DPYSL2: variants seen among roughly 807,000 people sequenced by gnomAD.
DPYSL2 encodes the protein dihydropyrimidinase like 2.
In DPYSL2, 13 loss-of-function variants were observed where a neutral mutation model predicts 69.9. The observed-to-expected ratio is 0.19, with a 90% CI of 0.12 to 0.30. The LOEUF is 0.30. DPYSL2 is among the 10% of genes least tolerant of loss of function. The pLI is 1.00. For synonymous variants in DPYSL2, 326 were observed against 359.1 expected (o/e 0.91, Z 1.04); for missense variants, 587 against 918.9 (o/e 0.64, Z 4.67).
intron 1 of DPYSL2, chr8:26,578,184 C>A: frequency 3.1e-6 from 5 of 1,609,910 alleles, no homozygotes; most frequent in Admixed American, 1.7e-5. Context: ...ACAAAAAAAA[C>A]CCAAGTCCCC....
chr8:26,647,107 T>C lies in DPYSL2; in HGVS notation c.1426-523T>C, dbSNP rs1471405422. ...CCACCCCTGCAAATTAAACGAATTT[T>C]TTTTTGTTTTGAAATAATTATAGAT... On this transcript the variant is annotated intron_variant, in intron 10 of 13. Coordinates refer to ENST00000521913, the MANE Select transcript of DPYSL2 (RefSeq NM_001197293.3). This position sits in a 1 kb window ranked among gnomAD's most constrained non-coding sequence, Gnocchi z 5.1. Among the ~76,000 whole-genome samples the C allele has an allele frequency of 6.6e-6, 1 of 152,240 alleles. No individual in the cohort carries two copies. Among genetic ancestry groups the C allele is most frequent in the African/African-American group, 2.4e-5 (1 of 41,466 alleles).
intron 1 of DPYSL2, among the ~76,000 whole-genome samples, chr8:26,556,134 AC>A (rs1419667861): frequency 0.12 from 318 of 2,708 alleles, 31 homozygotes; most frequent in South Asian, 0.35. Flanking sequence ...TATTATATAT[AC>A]TATATATAGT....
rs976187633 is a variant in DPYSL2 at position 26,582,162 on chromosome 8, A to T, written c.443+105A>T. The T allele has an allele frequency of 3.5e-6, 3 of 867,316 alleles. No individual in the cohort carries two copies. Among genetic ancestry groups the T allele is most frequent in the South Asian group, 3.1e-5 (2 of 64,942 alleles). 53.7% of individuals were successfully genotyped at this position (867,316 alleles called of 1,614,324 possible). A position where few individuals can be genotyped will look rare whatever the true frequency, so the allele number is the denominator to read the frequency against. On this transcript the variant is annotated intron_variant, in intron 2 of 13. Transcript: ENST00000521913. This position sits in a 1 kb window ranked among gnomAD's most constrained non-coding sequence, Gnocchi z 4.1. ...GTATCAAACTTCAGGAACATCAGAGAGTGACCAACTTAGTATCTGTTTTAA... is the reference window on the plus strand; with the variant it reads ...GTATCAAACTTCAGGAACATCAGAGTGTGACCAACTTAGTATCTGTTTTAA...
chr8:26,632,248 G>A (rs554029683), intron 7 of DPYSL2, among the ~76,000 whole-genome samples: 1 of 152,252 alleles, frequency 6.6e-6, no homozygotes, highest in South Asian at 2.1e-4. Flanking sequence ...GTGACAATCC[G>A]GGCAGTGCCT....
chr8:26,571,260 C>T lies in DPYSL2; in HGVS notation c.355-10709C>T, dbSNP rs890972706. ...TAAAAACCTTCCTGGACCTTACCTC[C>T]GGATATTCTGTTCAGGATGTCTGAG... On this transcript the variant is annotated intron_variant, in intron 1 of 13. Transcript: ENST00000521913. The surrounding 1 kb of genome is among the most constrained non-coding windows in gnomAD (Gnocchi z 6.1). Among the ~76,000 whole-genome samples, 3 of 152,078 alleles carry T rather than the reference C, an allele frequency of 2.0e-5. No individual in the cohort carries two copies. Among genetic ancestry groups the T allele is most frequent in the African/African-American group, 7.2e-5 (3 of 41,396 alleles).
At chr8:26,634,687 CT>C in intron 7 of DPYSL2, 92 bp from the exon 8 acceptor site, 1 of 1,599,028 alleles carries the variant, frequency 6.3e-7, no homozygotes, top group Non-Finnish European at 8.5e-7. Flanking sequence ...GCAGCCTCGC[CT>C]TCATCTTAGC....
chr8:26,519,337 G>A (rs1483051645), intron 1 of DPYSL2, among the ~76,000 whole-genome samples: 1 of 152,200 alleles, frequency 6.6e-6, no homozygotes, highest in Non-Finnish European at 1.5e-5. Context: ...TAGAAGTGAA[G>A]AAAGTGATGT....
At chr8:26,549,969 GA>G (rs1563382517) in intron 1 of DPYSL2, among the ~76,000 whole-genome samples, 1 of 152,132 alleles carries the variant, frequency 6.6e-6, no homozygotes, top group Admixed American at 6.5e-5. Context: ...TCTACTTAAA[GA>G]AAGGAAGAGT....
At position 26,644,673 on chromosome 8, in the gene DPYSL2, G is replaced by A. The variant is rs1009306277; in HGVS notation, c.1425+582G>A. ...ACTGAAAACCTACACAGCTTTAGAT[G>A]TGACTCTGGGTCAGTCAGGAACAAA... On this transcript the variant is annotated intron_variant, in intron 10 of 13. Transcript: ENST00000521913. The surrounding 1 kb of genome is among the most constrained non-coding windows in gnomAD (Gnocchi z 4.5). Among the ~76,000 whole-genome samples, 3 of 152,142 alleles carry A rather than the reference G, an allele frequency of 2.0e-5. No individual in the cohort carries two copies. Among genetic ancestry groups the A allele is most frequent in the Admixed American group, 6.5e-5 (1 of 15,276 alleles).
chr8:26,638,011 G>C (rs372742820), intron 8 of DPYSL2: 4 of 152,230 alleles, frequency 2.6e-5, no homozygotes, highest in Non-Finnish European at 5.9e-5. Flanking sequence ...GTCCACTTCA[G>C]GTGGGTTCTT....
Position 26,626,648 on chromosome 8 carries a change from C to T in DPYSL2, c.825C>T (p.Phe275=), listed in dbSNP as rs1802621070. 3 of 1,614,042 alleles carry T rather than the reference C, an allele frequency of 1.9e-6. No individual in the cohort carries two copies. Among genetic ancestry groups the T allele is most frequent in the Non-Finnish European group, 2.5e-6 (3 of 1,180,038 alleles). The change falls in exon 5 of 14, where the codon TTC becomes TTT. Residue 275 remains phenylalanine, a synonymous_variant. Coordinates refer to ENST00000521913, the MANE Select transcript of DPYSL2 (RefSeq NM_001197293.3). The surrounding 1 kb of genome is among the most constrained non-coding windows in gnomAD (Gnocchi z 4.3). ...ATTCCTTCCTCGTGTACATGGCTTT[C>T]AAAGATCGCTTCCAGCTAACGGATT... ...GVNSFLVYMA[F]KDRFQLTDCQ...
At position 26,647,591 on chromosome 8, in the gene DPYSL2, C is replaced by G. The variant is rs980523866; in HGVS notation, c.1426-39C>G. ...AAAGTAACTTTTTAACTCGTTTCTGCTGTGTGCCTCCTGTGCACACCTATG... is the reference window on the plus strand; with the variant it reads ...AAAGTAACTTTTTAACTCGTTTCTGGTGTGTGCCTCCTGTGCACACCTATG... On this transcript the variant is annotated intron_variant, in intron 10 of 13. Transcript: ENST00000521913. The surrounding 1 kb of genome is among the most constrained non-coding windows in gnomAD (Gnocchi z 5.1). 2 of 1,557,822 alleles carry G rather than the reference C, an allele frequency of 1.3e-6. No homozygotes were observed. The highest frequency in any genetic ancestry group is 1.7e-6 in the Non-Finnish European group (2 of 1,151,914).
intron 1 of DPYSL2, among the ~76,000 whole-genome samples, chr8:26,531,464 C>T (rs972072862): frequency 5.3e-5 from 8 of 152,036 alleles, no homozygotes; most frequent in Non-Finnish European, 1.0e-4. Flanking sequence ...GTGTCTGAAC[C>T]CATGAGGTGG....
chr8:26,579,697 G>C (rs1801442577), intron 1 of DPYSL2, among the ~76,000 whole-genome samples: 1 of 152,146 alleles, frequency 6.6e-6, no homozygotes, highest in African/African-American at 2.4e-5. Flanking sequence ...AAGGGCGCTA[G>C]CTTCTTCTTG....
chr8:26,569,381 A>AAAC (rs1563390285), intron 1 of DPYSL2, among the ~76,000 whole-genome samples: 2 of 151,018 alleles, frequency 1.3e-5, no homozygotes, highest in Non-Finnish European at 3.0e-5. Flanking sequence ...CAAAAACAAA[A>AAAC]AAAAACCAAA....
chr8:26,559,506 A>G (rs1297922179), intron 1 of DPYSL2, among the ~76,000 whole-genome samples: 1 of 152,226 alleles, frequency 6.6e-6, no homozygotes, highest in Non-Finnish European at 1.5e-5. Flanking sequence ...CATCTAAAAT[A>G]TAAGATCTCA....
chr8:26,622,334 A>G (rs1802511248), intron 3 of DPYSL2, among the ~76,000 whole-genome samples: 1 of 152,016 alleles, frequency 6.6e-6, no homozygotes, highest in Non-Finnish European at 1.5e-5. Context: ...ATTAGATAAC[A>G]TTATCTGTAT....
At chr8:26,552,864 T>C (rs1202550002) in intron 1 of DPYSL2, among the ~76,000 whole-genome samples, 33 of 152,194 alleles carry the variant, frequency 2.2e-4, no homozygotes, top group Admixed American at 2.2e-3. Flanking sequence ...TGAAGTTTCA[T>C]GTGAGAAGGG....
Position 26,587,680 on chromosome 8 carries a change from C to G in DPYSL2, c.628+3697C>G, listed in dbSNP as rs994540385. On this transcript the variant is annotated intron_variant, in intron 3 of 13. Coordinates refer to ENST00000521913, the MANE Select transcript of DPYSL2 (RefSeq NM_001197293.3). This position sits in a 1 kb window ranked among gnomAD's most constrained non-coding sequence, Gnocchi z 4.2. ...GACTCAGTGTGGAGCAGGGGGAACG[C>G]CCTTTGCCCTTTCCACCCAGTGGTG... Among the ~76,000 whole-genome samples, 1 of 152,192 alleles carries G rather than the reference C, an allele frequency of 6.6e-6. No homozygotes were observed. Among genetic ancestry groups the G allele is most frequent in the Non-Finnish European group, 1.5e-5 (1 of 68,038 alleles).
Sources: gnomAD v4.1 joint callset for allele counts (sites outside exome capture counted in the v4.1 genomes callset) on GRCh38, gnomAD v4.1.1 for gene constraint, Gnocchi (gnomAD v3.1) non-coding constraint, MANE v1.5 for transcripts, NCBI Gene and HGNC (gene_info 2026-07-23, HGNC 2026-07-21) for gene names.